Variants in NOB1 observed in about 807,000 individuals in gnomAD.
The protein encoded by NOB1 is RNA-binding protein NOB1.
A neutral mutation model predicts 44.8 loss-of-function variants in NOB1; 44 were observed. The ratio of observed to expected loss-of-function variants is 0.98; its 90% CI spans 0.77 to 1.26. The LOEUF (loss-of-function observed/expected upper bound fraction) is 1.26, where lower values mean the gene tolerates loss of function less well. NOB1 is among the 50% of genes most tolerant of loss of function. NOB1 has a pLI of 0.00. For missense variants in NOB1, 560 were observed against 544.8 expected (o/e 1.03, Z -0.28); for synonymous variants, 238 against 218.7 (o/e 1.09, Z -0.78).
At position 69,749,613 on chromosome 16, in the gene NOB1, C is replaced by T. The variant is rs772240376; in HGVS notation, c.345G>A (p.Ser115=). The T allele has an allele frequency of 6.8e-6, 11 of 1,612,750 alleles. No individual in the cohort carries two copies. In the Admixed American group the frequency reaches 1.5e-4, roughly 22 times the overall value. Residue 115 remains serine, a synonymous_variant, in exon 4 of 9, where the codon TCG becomes TCA. Transcript: ENST00000268802. ...QEPQKVKVSS[S]IQHPETPLHI... ...GCAGAGGTGTTTCTGGGTGCTGAAT[C>T]GATGAGCTCACCTTAACCTTTAAAA...
chr16:69,743,728 C>T (rs1049106083), intron 8 of NOB1, among the ~76,000 whole-genome samples: 12 of 152,202 alleles, frequency 7.9e-5, no homozygotes, highest in African/African-American at 2.7e-4. Context: ...CAAAATGCAA[C>T]GTTTCATCCT....
chr16:69,747,510 A>C (rs1481040740), intron 7 of NOB1, among the ~76,000 whole-genome samples: 1 of 152,146 alleles, frequency 6.6e-6, no homozygotes, highest in African/African-American at 2.4e-5. Flanking sequence ...AGCAGACAAA[A>C]CACAACAAAC....
rs534370822 is a variant in NOB1 at position 69,754,698 on chromosome 16, C to T, written c.92G>A (p.Arg31Gln). 3.1e-6 allele frequency: 5 copies of T among 1,614,096 alleles called. No individual in the cohort carries two copies. Among genetic ancestry groups the T allele is most frequent in the African/African-American group, 2.7e-5 (2 of 74,946 alleles). ...QDIGKNIYTI[R>Q]EVVTEIRDKA... The stretch of plus-strand genomic sequence containing the variant: ...GTCCCGAATCTCAGTGACCACCTCC[C>T]GGATGGTGTAAATGTTCTTCCCGAT... The change falls in exon 2 of 9, where the codon CGG becomes CAG. Residue 31 changes from arginine (R) to glutamine (Q), a missense_variant. By Grantham distance (43) the Arg-to-Gln change is conservative. Coordinates refer to ENST00000268802, the MANE Select transcript of NOB1 (RefSeq NM_014062.3).
chr16:69,751,508 GA>G (rs530065884), intron 3 of NOB1, among the ~76,000 whole-genome samples: 26 of 147,486 alleles, frequency 1.8e-4, no homozygotes, highest in Middle Eastern at 3.5e-3. Context: ...ATGAAAGAGG[GA>G]AAAAAAAAAG....
chr16:69,748,305 G>A lies in NOB1; in HGVS notation c.751C>T (p.His251Tyr), dbSNP rs1281094692. 6.2e-7 allele frequency: 1 copy of A among 1,613,856 alleles called. No homozygotes were observed. Among genetic ancestry groups the A allele is most frequent in the Non-Finnish European group, 8.5e-7 (1 of 1,179,814 alleles). Residue 251 changes from histidine (H) to tyrosine (Y), a missense_variant, in exon 7 of 9, where the codon CAC (histidine) becomes TAC (tyrosine). Physicochemically the swap from His to Tyr is moderately conservative, Grantham distance 83 (BLOSUM62 2). Transcript: ENST00000268802. ...MQNVLLQMGL[H>Y]VLAVNGMLIR... ...AGCATGCCGTTCACCGCCAGCACGT[G>A]CAGCCCCATCTGCAGCAGAACATTC... is the stretch of plus-strand genomic sequence containing the variant.
intron 8 of NOB1, 101 bp from the exon 9 acceptor site, chr16:69,742,702 G>T: frequency 8.2e-7 from 1 of 1,219,122 alleles, no homozygotes. Context: ...CCTGGTGCAG[G>T]CAGATGACAG....
At chr16:69,753,049 C>G (rs537443608) in intron 2 of NOB1, among the ~76,000 whole-genome samples, 18 of 152,216 alleles carry the variant, frequency 1.2e-4, no homozygotes, top group African/African-American at 4.1e-4. Context: ...TGGTGAAACC[C>G]CTTGTCTCCT....
chr16:69,754,900 A>C lies in NOB1; in HGVS notation c.11T>G (p.Val4Gly), dbSNP rs1303417754. 4.4e-6 allele frequency: 7 copies of C among 1,588,700 alleles called. No homozygotes were observed. Among genetic ancestry groups the C allele is most frequent in the Admixed American group, 1.8e-5 (1 of 55,592 alleles). Reference protein sequence around the residue: MAPVEHVVADAGAF... With the variant: MAPGEHVVADAGAF... ...CCCAGCATCCGCCACAACGTGCTCC[A>C]CTGGAGCCATGTTGGCTGCGTGAGA... is the stretch of plus-strand genomic sequence containing the variant. The change falls in exon 1 of 9, where the codon GTG (valine) becomes GGG (glycine). Residue 4 changes from valine to glycine, a missense_variant. Transcript: ENST00000268802.
intron 7 of NOB1, among the ~76,000 whole-genome samples, chr16:69,746,920 A>C (rs572292699): frequency 3.3e-5 from 5 of 151,704 alleles, no homozygotes; most frequent in Non-Finnish European, 7.4e-5. Context: ...AAAAAACCCC[A>C]AAAACCAAAA....
intron 7 of NOB1, among the ~76,000 whole-genome samples, chr16:69,746,009 G>T (rs560466006): frequency 6.6e-6 from 1 of 152,360 alleles, no homozygotes; most frequent in African/African-American, 2.4e-5. Flanking sequence ...GAAGCCAGGA[G>T]CTTTACTATC....
intron 6 of NOB1, 95 bp downstream of exon 6, chr16:69,748,823 C>T (rs947179531): frequency 4.9e-5 from 56 of 1,148,594 alleles, no homozygotes; most frequent in African/African-American, 7.7e-5. Flanking sequence ...GGAAAAGAAG[C>T]GCTGCACAGC....
At chr16:69,752,518 C>G in intron 2 of NOB1, 147 bp from the exon 3 acceptor site, 1 of 822,928 alleles carries the variant, frequency 1.2e-6, no homozygotes, top group Non-Finnish European at 1.8e-6. Context: ...TCATGAAAAA[C>G]CTTAACACTT....
intron 2 of NOB1, among the ~76,000 whole-genome samples, chr16:69,754,265 T>G (rs1429358234): frequency 6.6e-6 from 1 of 152,240 alleles, no homozygotes; most frequent in African/African-American, 2.4e-5. Flanking sequence ...ATAAATTTAT[T>G]GCTTGTCTGC....
chr16:69,748,990 C>A lies in NOB1; in HGVS notation c.654G>T (p.Gln218His), dbSNP rs780029064. 7 of 1,614,118 alleles carry A rather than the reference C, an allele frequency of 4.3e-6. No homozygotes were observed. The highest frequency in any genetic ancestry group is 1.6e-4 in the Middle Eastern group (1 of 6,082). ...WITPSNIKQI[Q>H]QELEQCDVPE... ...GGACGTCACACTGCTCCAGCTCCTG[C>A]TGGATCTGCTTGATGTTACTGGGGG... The change falls in exon 6 of 9, where the codon CAG becomes CAT. Residue 218 changes from glutamine (Q) to histidine (H), a missense_variant. By Grantham distance (24) the Gln-to-His change is conservative. Coordinates refer to ENST00000268802, the MANE Select transcript of NOB1 (RefSeq NM_014062.3).
At chr16:69,754,215 G>T (rs2038505636) in intron 2 of NOB1, among the ~76,000 whole-genome samples, 1 of 152,250 alleles carries the variant, frequency 6.6e-6, no homozygotes, top group Non-Finnish European at 1.5e-5. Context: ...AAATGGACGA[G>T]AGTAATAGCA....
intron 7 of NOB1, among the ~76,000 whole-genome samples, 199 bp downstream of exon 7, chr16:69,748,033 T>C (rs1370914698): frequency 6.6e-6 from 1 of 152,072 alleles, no homozygotes; most frequent in Non-Finnish European, 1.5e-5. Flanking sequence ...GGTGCAGTGG[T>C]ATGTGCCTCT....
intron 2 of NOB1, among the ~76,000 whole-genome samples, chr16:69,753,606 G>T (rs941024669): frequency 6.6e-6 from 1 of 152,200 alleles, no homozygotes; most frequent in Non-Finnish European, 1.5e-5. Context: ...GATTTAGTAA[G>T]TTGGCAAAGA....
At chr16:69,750,973 C>G (rs957218205) in intron 3 of NOB1, among the ~76,000 whole-genome samples, 7 of 152,200 alleles carry the variant, frequency 4.6e-5, no homozygotes, top group African/African-American at 1.7e-4. Flanking sequence ...TCAGTCTCTT[C>G]AACCTAGCCA....
intron 5 of NOB1, 47 bp from the exon 6 acceptor site, chr16:69,749,165 G>A: frequency 6.2e-7 from 1 of 1,613,468 alleles, no homozygotes; most frequent in African/African-American, 1.3e-5. Context: ...CAGGAGCAGT[G>A]GAGGAGAAGT....
Sources: gnomAD v4.1 joint callset for allele counts (sites outside exome capture counted in the v4.1 genomes callset) on GRCh38, gnomAD v4.1.1 for gene constraint, MANE v1.5 for transcripts, NCBI Gene and HGNC (gene_info 2026-07-23, HGNC 2026-07-21) for gene names.